RGS6: variants seen among roughly 807,000 people sequenced by gnomAD.
The protein encoded by RGS6 is regulator of G-protein signaling 6.
A neutral mutation model predicts 78.5 loss-of-function variants in RGS6; 30 were observed. The observed-to-expected ratio is 0.38, with a 90% confidence interval of 0.29 to 0.52. The LOEUF (loss-of-function observed/expected upper bound fraction) is 0.52. Ranked by LOEUF, RGS6 falls within the 20% of genes least tolerant of loss-of-function variation. The probability of loss-of-function intolerance (pLI) is 0.85; values close to 1 mark genes in which losing one functional copy is unlikely to be tolerated. For missense variants in RGS6, 495 were observed against 609.7 expected, an observed-to-expected ratio of 0.81 and a Z score of 1.98; for synonymous variants, 206 against 206.0, an observed-to-expected ratio of 1.00 and a Z score of 0.00.
the RGS6 span, among the ~76,000 whole-genome samples, chr14:71,914,033 G>A: frequency 2.0e-5 from 3 of 152,162 alleles, no homozygotes; most frequent in Non-Finnish European, 2.9e-5. Context: ...GCCCAGTACA[G>A]GGAAGTTTAT....
At chr14:72,605,353 G>A in the RGS6 span, among the ~76,000 whole-genome samples, 7 of 152,340 alleles carry the variant, frequency 4.6e-5, no homozygotes, top group South Asian at 6.2e-4. Context: ...GATGGCAGGC[G>A]GGCGCTTGCA....
At chr14:72,421,986 CTGGTGGG>C (rs1233796971) in intron 3 of RGS6, among the ~76,000 whole-genome samples, 1 of 152,172 alleles carries the variant, frequency 6.6e-6, no homozygotes, top group African/African-American at 2.4e-5. Flanking sequence ...TGGGAGGGAC[CTGGTGGG>C]TGGTAATTGA....
At chr14:72,273,139 A>AG in intron 2 of RGS6, among the ~76,000 whole-genome samples, 1 of 152,192 alleles carries the variant, frequency 6.6e-6, no homozygotes, top group South Asian at 2.1e-4. Context: ...TCTCAAAAAA[A>AG]AAAAGAAAGA....
intron 2 of RGS6, among the ~76,000 whole-genome samples, chr14:72,217,161 C>G (rs1046632606): frequency 6.6e-6 from 1 of 152,032 alleles, no homozygotes; most frequent in Non-Finnish European, 1.5e-5. Flanking sequence ...GAGAGAAAAC[C>G]CACATGCAGT....
intron 2 of RGS6, among the ~76,000 whole-genome samples, chr14:72,013,769 A>G (rs1277620332): frequency 1.3e-5 from 2 of 150,240 alleles, no homozygotes; most frequent in Admixed American, 6.7e-5. Flanking sequence ...ATGAACCGAC[A>G]ATTGACAATG....
At chr14:72,437,143 G>A (rs1157409633) in intron 3 of RGS6, among the ~76,000 whole-genome samples, 4 of 118,082 alleles carry the variant, frequency 3.4e-5, no homozygotes, top group Non-Finnish European at 6.8e-5. Flanking sequence ...CCATCATGGT[G>A]AAACCCCGTC....
At chr14:72,600,905 C>T in the RGS6 span, among the ~76,000 whole-genome samples, 2 of 152,022 alleles carry the variant, frequency 1.3e-5, no homozygotes, top group Admixed American at 6.5e-5. Flanking sequence ...TGACTGTAGC[C>T]CTCCCCTGGC....
In RGS6 at chr14:72,231,993, G is replaced by A. The variant is rs1044717439; in HGVS notation, c.85-120102G>A. ...GTGACAAGGTTCTTCTCTAAGGGCC[G>A]TTTTGGAGGCCGTATGAGGCTGTAT... On this transcript the variant is annotated intron_variant, in intron 2 of 17. Transcript: ENST00000553525. 2.6e-5 allele frequency among the ~76,000 whole-genome samples: 4 copies of A among 152,170 alleles called. No individual in the cohort carries two copies. The East Asian group carries it at 5.8e-4, about 22-fold the overall frequency.
intron 2 of RGS6, among the ~76,000 whole-genome samples, chr14:72,070,641 G>A (rs1243832169): frequency 6.6e-6 from 1 of 152,176 alleles, no homozygotes; most frequent in African/African-American, 2.4e-5. Flanking sequence ...CCTGTGGGCA[G>A]GGCTTCTGCT....
intron 6 of RGS6, among the ~76,000 whole-genome samples, chr14:72,463,569 T>TGTCCCATTTTGACCCCGCTG (rs200277027): frequency 6.6e-6 from 1 of 152,258 alleles, no homozygotes; most frequent in Non-Finnish European, 1.5e-5. Flanking sequence ...TTGACCCCGC[T>TGTCCCATTTTGACCCCGCTG]TACCCATTTG....
intron 3 of RGS6, among the ~76,000 whole-genome samples, chr14:72,453,064 G>T (rs1234446816): frequency 6.6e-6 from 1 of 152,178 alleles, no homozygotes; most frequent in Non-Finnish European, 1.5e-5. Flanking sequence ...ATAGCTGAAG[G>T]GCTGTCGCAC....
intron 2 of RGS6, among the ~76,000 whole-genome samples, chr14:72,248,292 G>C (rs2054743506): frequency 6.6e-6 from 1 of 152,164 alleles, no homozygotes; most frequent in Admixed American, 6.5e-5. Flanking sequence ...GCCAGCTGTG[G>C]TCCATTAAGC....
the RGS6 span, among the ~76,000 whole-genome samples, chr14:71,876,663 T>C: frequency 6.6e-6 from 1 of 151,994 alleles, no homozygotes; most frequent in Non-Finnish European, 1.5e-5. Context: ...TTGGAGCATT[T>C]AGCCCATTTA....
intron 3 of RGS6, among the ~76,000 whole-genome samples, chr14:72,446,095 C>CA (rs938689578): frequency 1.3e-5 from 2 of 152,082 alleles, no homozygotes; most frequent in Admixed American, 6.5e-5. Context: ...CCTGTCTCTA[C>CA]AAAAAATTTA....
At chr14:72,263,048 T>C (rs1214102587) in intron 2 of RGS6, among the ~76,000 whole-genome samples, 4 of 152,144 alleles carry the variant, frequency 2.6e-5, no homozygotes, top group Non-Finnish European at 5.9e-5. Context: ...GGGATACATA[T>C]TAGCAGCCTG....
rs17107452 is a variant in RGS6 at position 72,110,638 on chromosome 14, A to T, written c.84+145763A>T. Among the ~76,000 whole-genome samples, 1,104 of 152,328 alleles carry T rather than the reference A, an allele frequency of 7.2e-3. 38 individuals are homozygous for T. The highest frequency in any genetic ancestry group is 0.063 in the Admixed American group (966 of 15,298). On this transcript the variant is annotated intron_variant, in intron 2 of 17. Transcript: ENST00000553525. ...GTTTCTCTTACTTGTGCAAACATGG[A>T]CATTCTTATGCCACTTTGTGTGTAA...
intron 2 of RGS6, among the ~76,000 whole-genome samples, chr14:72,298,435 T>C (rs1356316354): frequency 1.9e-4 from 15 of 78,298 alleles, no homozygotes; most frequent in African/African-American, 1.6e-3. Context: ...AATGTTCTTT[T>C]TTTTTTTTTT....
intron 2 of RGS6, among the ~76,000 whole-genome samples, chr14:72,068,696 C>T (rs2094283548): frequency 6.6e-6 from 1 of 151,690 alleles, no homozygotes; most frequent in Admixed American, 6.6e-5. Flanking sequence ...GGGATTTCAC[C>T]ATCTTGGCTA....
intron 2 of RGS6, among the ~76,000 whole-genome samples, chr14:72,080,485 T>C (rs1202782916): frequency 6.6e-6 from 1 of 152,010 alleles, no homozygotes; most frequent in African/African-American, 2.4e-5. Flanking sequence ...TTGTCTACTT[T>C]GTTGTTTCCT....
Sources: gnomAD v4.1 joint callset for allele counts (sites outside exome capture counted in the v4.1 genomes callset) on GRCh38, gnomAD v4.1.1 for gene constraint, MANE v1.5 for transcripts, NCBI Gene and HGNC (gene_info 2026-07-23, HGNC 2026-07-21) for gene names.